Variants in SCAPER observed in about 807,000 individuals in gnomAD.
The protein encoded by SCAPER is S phase cyclin A-associated protein in the endoplasmic reticulum.
Under a neutral mutation model 182.2 loss-of-function variants are expected in SCAPER, and 98 were observed. That is an observed-to-expected ratio of 0.54 (90% CI 0.46 to 0.64). The LOEUF (loss-of-function observed/expected upper bound fraction) is 0.64, where lower values mean the gene tolerates loss of function less well. Among genes scored for constraint, SCAPER ranks in the 30% least tolerant of loss-of-function variants. The pLI is 0.00. For synonymous variants in SCAPER, 605 were observed against 564.6 expected, an observed-to-expected ratio of 1.07 and a Z score of -1.01; for missense variants, 1,432 against 1,690.0, an observed-to-expected ratio of 0.85 and a Z score of 2.68.
chr15:76,700,731 G>A (rs1180610865), intron 20 of SCAPER, among the ~76,000 whole-genome samples: 1 of 152,108 alleles, frequency 6.6e-6, no homozygotes, highest in Non-Finnish European at 1.5e-5. Flanking sequence ...CTACAGACAT[G>A]TTCCTGATGC....
intron 23 of SCAPER, among the ~76,000 whole-genome samples, chr15:76,570,043 T>C (rs1334942571): frequency 2.6e-5 from 4 of 152,168 alleles, no homozygotes; most frequent in Admixed American, 1.3e-4. Context: ...TTTGTTGAGA[T>C]AATTTGAGAC....
chr15:76,393,358 G>A (rs2043836773), intron 27 of SCAPER, among the ~76,000 whole-genome samples: 1 of 152,186 alleles, frequency 6.6e-6, no homozygotes, highest in Admixed American at 6.5e-5. Flanking sequence ...ACTTCTTTTA[G>A]TTCCACTTGC....
At chr15:76,478,879 A>G (rs1308201212) in intron 24 of SCAPER, among the ~76,000 whole-genome samples, 2 of 152,100 alleles carry the variant, frequency 1.3e-5, no homozygotes, top group Admixed American at 6.5e-5. Flanking sequence ...TTACAACTCT[A>G]TTCTATTTTC....
rs1450436800 is a variant in SCAPER, at chr15:76,771,838, C to T, written c.1152G>A (p.Leu384=). The change falls in exon 10 of 32, where the codon CTG becomes CTA. Residue 384 remains leucine, a synonymous_variant. Coordinates refer to ENST00000563290, the MANE Select transcript of SCAPER (RefSeq NM_020843.4). ...CTTGTAAAGGAGGTGTACCAGCTTGCAGCATAACTGAAACACACTCTGTAT... is the reference window on the plus strand; with the variant it reads ...CTTGTAAAGGAGGTGTACCAGCTTGTAGCATAACTGAAACACACTCTGTAT... The part of the protein sequence containing the change: ...HIDTECVSVM[L]QAGTPPLQVN... The T allele has an allele frequency of 1.2e-6, 2 of 1,613,124 alleles. No homozygotes were observed. Among genetic ancestry groups the T allele is most frequent in the East Asian group, 2.2e-5 (1 of 44,818 alleles).
rs113169255 is a variant in SCAPER, at chr15:76,883,959, C to T, written c.-59-83G>A. 2.4e-3 allele frequency: 1,622 copies of T among 674,370 alleles called. 19 individuals carry two copies. The African/African-American group carries it at 0.028, about 12-fold the overall frequency. 41.8% of individuals were successfully genotyped at this position (674,370 alleles called of 1,614,324 possible). The stretch of plus-strand genomic sequence containing the variant: ...TCATAAAAAGATACAAATCTCATCC[C>T]CACACTTACATTAAACAACAACAAA... On this transcript the variant is annotated intron_variant, in intron 1 of 31. Transcript: ENST00000563290.
intron 23 of SCAPER, among the ~76,000 whole-genome samples, chr15:76,552,791 T>A (rs148183461): frequency 5.3e-5 from 8 of 151,978 alleles, no homozygotes; most frequent in African/African-American, 1.9e-4. Flanking sequence ...GGCTTTAGCC[T>A]TTGAGAGACT....
chr15:76,554,787 T>TC (rs34362053), intron 23 of SCAPER, among the ~76,000 whole-genome samples: 56,567 of 146,128 alleles, frequency 0.39, 12,829 homozygotes, highest in Middle Eastern at 0.54. Context: ...TATTCAGCAT[T>TC]CTTTTTTTTT....
chr15:76,432,765 G>A (rs1406533134), intron 26 of SCAPER, among the ~76,000 whole-genome samples: 2 of 152,252 alleles, frequency 1.3e-5, no homozygotes, highest in Non-Finnish European at 2.9e-5. Flanking sequence ...TGCCACATTT[G>A]TGTAGTGGAA....
At position 76,592,071 on chromosome 15, in the gene SCAPER, ATATC is replaced by A. The variant is rs981723350; in HGVS notation, c.2712-17791_2712-17788del. On this transcript the variant is annotated intron_variant, in intron 22 of 31. Coordinates refer to ENST00000563290, the MANE Select transcript of SCAPER (RefSeq NM_020843.4). ...TGAGATCATGTGTCTCAAAAAATGT[ATATC>A]TATCTATCTATCTACCTACCTACAG... Among the ~76,000 whole-genome samples the A allele has an allele frequency of 2.2e-4, 33 of 152,016 alleles. No homozygotes were observed. In the South Asian group the frequency reaches 2.7e-3, roughly 12 times the overall value.
At chr15:76,414,349 G>A (rs544698905) in intron 26 of SCAPER, among the ~76,000 whole-genome samples, 22 of 152,004 alleles carry the variant, frequency 1.4e-4, no homozygotes, top group African/African-American at 3.4e-4. Flanking sequence ...TCAATTTACC[G>A]TTCAAATAGC....
At chr15:76,539,543 T>A (rs2044530572) in intron 23 of SCAPER, among the ~76,000 whole-genome samples, 3 of 131,938 alleles carry the variant, frequency 2.3e-5, no homozygotes, top group South Asian at 2.4e-4. Context: ...AAATCAAAAT[T>A]TCTTTTTTTT....
At chr15:76,746,365 T>A (rs1226806004) in intron 15 of SCAPER, among the ~76,000 whole-genome samples, 1 of 152,222 alleles carries the variant, frequency 6.6e-6, no homozygotes. Flanking sequence ...AATCTGCACA[T>A]GCAGAACCCA....
intron 27 of SCAPER, among the ~76,000 whole-genome samples, chr15:76,392,765 T>C (rs980078137): frequency 2.6e-5 from 4 of 152,160 alleles, no homozygotes; most frequent in African/African-American, 7.2e-5. Context: ...AGCCCACATC[T>C]TTCTGACTTC....
intron 7 of SCAPER, among the ~76,000 whole-genome samples, chr15:76,799,604 G>A (rs2065604295): frequency 6.6e-6 from 1 of 151,986 alleles, no homozygotes; most frequent in Non-Finnish European, 1.5e-5. Context: ...CAGGTCCCTT[G>A]GTAAACCCAG....
At chr15:76,414,578 G>GA (rs149981013) in intron 26 of SCAPER, among the ~76,000 whole-genome samples, 1,619 of 148,678 alleles carry the variant, frequency 0.011, 11 homozygotes, top group Non-Finnish European at 0.012. Flanking sequence ...GTGCTTCAAG[G>GA]AAAAAAAAAA....
At chr15:76,698,235 C>T (rs957230983) in intron 20 of SCAPER, among the ~76,000 whole-genome samples, 2 of 151,774 alleles carry the variant, frequency 1.3e-5, no homozygotes, top group Non-Finnish European at 2.9e-5. Context: ...TTAGAATTTA[C>T]GAAGGTGAAA....
intron 23 of SCAPER, among the ~76,000 whole-genome samples, chr15:76,564,764 A>C (rs1300308133): frequency 1.3e-5 from 2 of 152,246 alleles, no homozygotes. Context: ...ACCCAACTTT[A>C]AACTATATTA....
At chr15:76,669,141 T>C (rs913657048) in intron 20 of SCAPER, among the ~76,000 whole-genome samples, 10 of 152,068 alleles carry the variant, frequency 6.6e-5, no homozygotes, top group African/African-American at 1.9e-4. Flanking sequence ...CTTAGAGATA[T>C]GGCTGGAAAT....
At chr15:76,843,318 G>A (rs145829943) in intron 4 of SCAPER, among the ~76,000 whole-genome samples, 1 of 152,066 alleles carries the variant, frequency 6.6e-6, no homozygotes, top group Non-Finnish European at 1.5e-5. Context: ...ATTTTATAAA[G>A]GGTTTTTGAA....
Sources: allele counts gnomAD v4.1 joint callset (sites outside exome capture counted in the v4.1 genomes callset), GRCh38; gene constraint gnomAD v4.1.1; transcripts MANE v1.5; gene names NCBI Gene and HGNC (gene_info 2026-07-23, HGNC 2026-07-21).